Variants in UBASH3B observed in about 807,000 individuals in gnomAD.
UBASH3B encodes the protein ubiquitin-associated and SH3 domain-containing protein B.
Under a neutral mutation model 83.4 loss-of-function variants are expected in UBASH3B, and 37 were observed. The ratio of observed to expected loss-of-function variants is 0.44; its 90% CI spans 0.34 to 0.58. UBASH3B has a LOEUF of 0.58. Among genes scored for constraint, UBASH3B ranks in the 20% least tolerant of loss-of-function variants. UBASH3B has a pLI of 0.01. For missense variants in UBASH3B, 657 were observed against 827.2 expected (o/e 0.79, Z 2.52); for synonymous variants, 304 against 318.3 (o/e 0.96, Z 0.48).
chr11:122,758,268 C>T lies in UBASH3B; in HGVS notation c.162-17951C>T, dbSNP rs1861314427. On this transcript the variant is annotated intron_variant, in intron 1 of 13. Coordinates refer to ENST00000284273, the MANE Select transcript of UBASH3B (RefSeq NM_032873.5). This position sits in a 1 kb window ranked among gnomAD's most constrained non-coding sequence, Gnocchi z 4.2. ...CTTCCTGGCGTGTTTGGTCAAGTCCCATTTATAATATGTAAAGTACTCCCA... is the reference window on the plus strand; with the variant it reads ...CTTCCTGGCGTGTTTGGTCAAGTCCTATTTATAATATGTAAAGTACTCCCA... 6.6e-6 allele frequency among the ~76,000 whole-genome samples: 1 copy of T among 152,162 alleles called. No individual in the cohort carries two copies. Among genetic ancestry groups the T allele is most frequent in the African/African-American group, 2.4e-5 (1 of 41,408 alleles).
chr11:122,733,018 C>T (rs1018968659), intron 1 of UBASH3B, among the ~76,000 whole-genome samples: 5 of 152,126 alleles, frequency 3.3e-5, no homozygotes, highest in Admixed American at 2.0e-4. Flanking sequence ...TTTTGAAGGC[C>T]TTTTGGGATA....
At chr11:122,688,570 C>G (rs1220610243) in intron 1 of UBASH3B, among the ~76,000 whole-genome samples, 1 of 151,594 alleles carries the variant, frequency 6.6e-6, no homozygotes, top group African/African-American at 2.4e-5. Context: ...CTCAGCCTCC[C>G]GAGTAAGCTG....
chr11:122,709,075 T>C (rs907463133), intron 1 of UBASH3B, among the ~76,000 whole-genome samples: 1 of 152,132 alleles, frequency 6.6e-6, no homozygotes, highest in Non-Finnish European at 1.5e-5. Context: ...GGTGAAACAC[T>C]GTCTCTACAA....
chr11:122,718,990 T>C (rs1209654206), intron 1 of UBASH3B, among the ~76,000 whole-genome samples: 1 of 152,128 alleles, frequency 6.6e-6, no homozygotes, highest in Non-Finnish European at 1.5e-5. Context: ...TGAGCCATGA[T>C]TGATCCACTG....
chr11:122,796,095 G>A (rs1230154768), intron 7 of UBASH3B, 61 bp from the exon 8 acceptor site: 1 of 1,596,314 alleles, frequency 6.3e-7, no homozygotes, highest in Non-Finnish European at 8.6e-7. Flanking sequence ...CTGGCACCTG[G>A]CTCCAAGACA....
At chr11:122,796,366 T>C (rs1861156965) in intron 8 of UBASH3B, 90 bp downstream of exon 8, 1 of 1,546,998 alleles carries the variant, frequency 6.5e-7, no homozygotes, top group Non-Finnish European at 8.7e-7. Context: ...GATGGAGTCA[T>C]TCATAGTTTT....
intron 1 of UBASH3B, among the ~76,000 whole-genome samples, chr11:122,718,190 G>A (rs984619699): frequency 5.3e-5 from 8 of 152,152 alleles, no homozygotes; most frequent in Non-Finnish European, 2.9e-5. Flanking sequence ...CTCCCAAAGC[G>A]CTGGGATTAT....
At chr11:122,718,607 C>A (rs549921737) in intron 1 of UBASH3B, among the ~76,000 whole-genome samples, 24 of 152,162 alleles carry the variant, frequency 1.6e-4, no homozygotes, top group Non-Finnish European at 1.6e-4. Context: ...ATTAACACTG[C>A]ACCCAGCAGG....
intron 1 of UBASH3B, chr11:122,773,896 C>T: frequency 1.2e-6 from 1 of 809,050 alleles, no homozygotes; most frequent in African/African-American, 1.9e-5. Flanking sequence ...AAATTGAATT[C>T]CTTATATAAA....
chr11:122,776,154 C>A, intron 1 of UBASH3B, 65 bp from the exon 2 acceptor site: 1 of 1,483,940 alleles, frequency 6.7e-7, no homozygotes, highest in Non-Finnish European at 9.3e-7. Flanking sequence ...TCACACTCAG[C>A]TCTTGCCACT....
At chr11:122,656,614 C>A (rs944708867) in intron 1 of UBASH3B, among the ~76,000 whole-genome samples, 11 of 152,172 alleles carry the variant, frequency 7.2e-5, no homozygotes, top group Admixed American at 5.9e-4. Flanking sequence ...GTCTGGAATA[C>A]TGGGCTGGTC....
chr11:122,682,676 C>T (rs986401070), intron 1 of UBASH3B, among the ~76,000 whole-genome samples: 23 of 152,280 alleles, frequency 1.5e-4, no homozygotes, highest in African/African-American at 5.3e-4. Flanking sequence ...AGAGGAATAA[C>T]CCAGCTCTGG....
At chr11:122,763,406 C>A (rs977922331) in intron 1 of UBASH3B, among the ~76,000 whole-genome samples, 1 of 152,160 alleles carries the variant, frequency 6.6e-6, no homozygotes, top group Admixed American at 6.5e-5. Context: ...CTAACCACCC[C>A]CTAAGGAGGG....
At chr11:122,757,875 A>G (rs548759384) in intron 1 of UBASH3B, among the ~76,000 whole-genome samples, 50 of 151,646 alleles carry the variant, frequency 3.3e-4, no homozygotes, top group South Asian at 1.3e-3. Context: ...CACCACACCC[A>G]GCTAATTTTT....
At chr11:122,701,838 C>T (rs115819451) in intron 1 of UBASH3B, among the ~76,000 whole-genome samples, 2,954 of 152,156 alleles carry the variant, frequency 0.019, 83 homozygotes, top group African/African-American at 0.068. Flanking sequence ...TCTGAGCCCT[C>T]GTACTGCCAT....
chr11:122,777,011 T>C lies in UBASH3B; in HGVS notation c.216-13T>C. On this transcript the variant is annotated splice_polypyrimidine_tract_variant and intron_variant, in intron 2 of 13. Transcript: ENST00000284273. The stretch of plus-strand genomic sequence containing the variant: ...CTCAAGCGACACCTTGTTGGCTTAC[T>C]TCTGTCTTACAGGTTATTCTCCCAT... 6.3e-7 allele frequency: 1 copy of C among 1,581,378 alleles called. No homozygotes were observed. Among genetic ancestry groups the C allele is most frequent in the Non-Finnish European group, 8.6e-7 (1 of 1,162,044 alleles).
intron 3 of UBASH3B, among the ~76,000 whole-genome samples, chr11:122,778,083 C>CTACTT (rs1422673290): frequency 6.6e-6 from 1 of 152,160 alleles, no homozygotes; most frequent in Non-Finnish European, 1.5e-5. Flanking sequence ...TACATTTTGT[C>CTACTT]TACTTTAGCT....
rs531694971 is a variant in UBASH3B at position 122,671,820 on chromosome 11, T to C, written c.161+15610T>C. ...CGAATGGGATGACTCCCAGGGGGTG[T>C]TGAGTAAACAGACGGTTGCTGTTTG... On this transcript the variant is annotated intron_variant, in intron 1 of 13. Transcript: ENST00000284273. 9.8e-5 allele frequency among the ~76,000 whole-genome samples: 15 copies of C among 152,318 alleles called. No homozygotes were observed. The East Asian group carries it at 2.5e-3, about 26-fold the overall frequency.
At chr11:122,749,821 C>T (rs1439776073) in intron 1 of UBASH3B, among the ~76,000 whole-genome samples, 1 of 152,238 alleles carries the variant, frequency 6.6e-6, no homozygotes, top group Non-Finnish European at 1.5e-5. Context: ...CAACCTCCGC[C>T]TTCTGGGCGC....
Sources: allele counts gnomAD v4.1 joint callset (sites outside exome capture counted in the v4.1 genomes callset), GRCh38; gene constraint gnomAD v4.1.1; non-coding constraint Gnocchi (gnomAD v3.1); transcripts MANE v1.5; gene names NCBI Gene and HGNC (gene_info 2026-07-23, HGNC 2026-07-21).